Variants in FKBP1A observed in about 807,000 individuals in gnomAD.
FKBP1A encodes the protein FKBP prolyl isomerase 1A.
In FKBP1A, 5 loss-of-function variants were observed where a neutral mutation model predicts 14.2. The ratio of observed to expected loss-of-function variants is 0.35; its 90% CI spans 0.18 to 0.74. The LOEUF is 0.74. Among genes scored for constraint, FKBP1A ranks in the 30% least tolerant of loss-of-function variants. The probability of loss-of-function intolerance (pLI) is 0.56; values close to 1 mark genes in which losing one functional copy is unlikely to be tolerated. For synonymous variants in FKBP1A, 42 were observed against 49.1 expected, an observed-to-expected ratio of 0.86 and a Z score of 0.60; for missense variants, 53 against 138.8, an observed-to-expected ratio of 0.38 and a Z score of 3.10.
At chr20:1,391,377 T>A (rs2089734178) in intron 2 of FKBP1A, among the ~76,000 whole-genome samples, 1 of 152,200 alleles carries the variant, frequency 6.6e-6, no homozygotes, top group Non-Finnish European at 1.5e-5. Flanking sequence ...CAGGCTCAGG[T>A]GCTGACTGTG....
intron 2 of FKBP1A, among the ~76,000 whole-genome samples, chr20:1,390,302 G>A (rs1163768510): frequency 7.4e-6 from 1 of 134,240 alleles, no homozygotes; most frequent in African/African-American, 2.8e-5. Flanking sequence ...TCACAGCCAA[G>A]AAATCTGAGC....
chr20:1,384,798 G>C (rs1214173933), intron 2 of FKBP1A, among the ~76,000 whole-genome samples: 1 of 152,098 alleles, frequency 6.6e-6, no homozygotes, highest in Non-Finnish European at 1.5e-5. Context: ...AACCCAAAGA[G>C]GGAACCAGCT....
intron 3 of FKBP1A, 136 bp from the exon 4 acceptor site, chr20:1,372,376 A>G (rs2089477782): frequency 2.4e-6 from 2 of 817,060 alleles, no homozygotes; most frequent in Middle Eastern, 2.4e-4. Context: ...CTGCCCAGGC[A>G]TCACCACCTC....
Position 1,393,039 on chromosome 20 carries a change from G to A in FKBP1A, c.-41C>T, listed in dbSNP as rs750562645. 19 of 1,341,300 alleles carry A rather than the reference G, an allele frequency of 1.4e-5. No individual in the cohort carries two copies. Among genetic ancestry groups the A allele is most frequent in the Non-Finnish European group, 1.8e-5 (18 of 1,010,614 alleles). The allele number at this position is 1,341,300 out of a possible 1,614,324, so 83.1% of individuals were successfully genotyped here. ...TGAGCGGGCGGGCGGCGCGACGGGC[G>A]GCGTGGACCAACAGCGACCTGGCGG... is the stretch of plus-strand genomic sequence containing the variant. On this transcript the variant is annotated 5_prime_UTR_variant, in exon 1 of 5. Coordinates refer to ENST00000400137, the MANE Select transcript of FKBP1A (RefSeq NM_000801.5).
At chr20:1,380,914 T>C (rs534034326) in intron 2 of FKBP1A, among the ~76,000 whole-genome samples, 170 of 152,250 alleles carry the variant, frequency 1.1e-3, no homozygotes, top group Non-Finnish European at 2.2e-3. Flanking sequence ...TGACAAAATA[T>C]CCACACATAA....
At position 1,369,832 on chromosome 20, in the gene FKBP1A, C is replaced by T; in HGVS notation, c.*277G>A. 9.5e-6 allele frequency: 5 copies of T among 525,638 alleles called. No individual in the cohort carries two copies. The South Asian group carries it at 1.4e-4, about 15-fold the overall frequency. The allele number at this position is 525,638 out of a possible 1,614,324, so 32.6% of individuals were successfully genotyped here. ...TATATCCAAAAGACTGAAACTGAAT[C>T]TTCACCCCAAAATGAAAACAAAATA... On this transcript the variant is annotated 3_prime_UTR_variant, in exon 5 of 5. Coordinates refer to ENST00000400137, the MANE Select transcript of FKBP1A (RefSeq NM_000801.5).
chr20:1,391,792 G>A (rs1328688026), intron 2 of FKBP1A: 1 of 352,936 alleles, frequency 2.8e-6, no homozygotes, highest in Non-Finnish European at 5.0e-6. Flanking sequence ...GGGAACAGAG[G>A]AAAGGGTGGG....
chr20:1,379,327 G>C lies in FKBP1A; in HGVS notation c.86-3724C>G, dbSNP rs1028989086. On this transcript the variant is annotated intron_variant, in intron 2 of 4. Coordinates refer to ENST00000400137, the MANE Select transcript of FKBP1A (RefSeq NM_000801.5). This position sits in a 1 kb window ranked among gnomAD's most constrained non-coding sequence, Gnocchi z 4.3. ...CTATCTGACTGGTACCAGGCTAGGA[G>C]CACTAGGCAGGACACAGCCTGAATC... Among the ~76,000 whole-genome samples the C allele has an allele frequency of 2.0e-5, 3 of 152,194 alleles. No homozygotes were observed. The highest frequency in any genetic ancestry group is 4.4e-5 in the Non-Finnish European group (3 of 68,030).
chr20:1,370,031 A>C lies in FKBP1A; in HGVS notation c.*78T>G, dbSNP rs1375526444. ...ATCAGGAAAAGCTCCATATGGATTC[A>C]TGTGCACATGTCTGGAGGCACCAGA... On this transcript the variant is annotated 3_prime_UTR_variant, in exon 5 of 5. Transcript: ENST00000400137. The C allele has an allele frequency of 2.0e-5, 31 of 1,550,220 alleles. No individual in the cohort carries two copies. Among genetic ancestry groups the C allele is most frequent in the Non-Finnish European group, 2.3e-5 (26 of 1,146,864 alleles).
intron 2 of FKBP1A, among the ~76,000 whole-genome samples, chr20:1,389,463 G>A (rs1423007583): frequency 6.6e-6 from 1 of 152,110 alleles, no homozygotes; most frequent in African/African-American, 2.4e-5. Context: ...AGAGGAGAGG[G>A]GGGAACAAAG....
At chr20:1,385,076 C>T (rs1448055008) in intron 2 of FKBP1A, among the ~76,000 whole-genome samples, 2 of 152,080 alleles carry the variant, frequency 1.3e-5, no homozygotes, top group East Asian at 1.9e-4. Context: ...CACATTATAT[C>T]GCATGGGGAG....
In FKBP1A at chr20:1,371,627, G is replaced by C. The variant is rs539929733; in HGVS notation, c.*36+449C>G. 44 of 781,710 alleles carry C rather than the reference G, an allele frequency of 5.6e-5. No homozygotes were observed. The African/African-American group carries it at 8.1e-4, about 14-fold the overall frequency. 48.4% of individuals were successfully genotyped at this position (781,710 alleles called of 1,614,324 possible). On this transcript the variant is annotated intron_variant, in intron 4 of 4. Coordinates refer to ENST00000400137, the MANE Select transcript of FKBP1A (RefSeq NM_000801.5). ...CAGTAACCACAAACCACAGTGAAGA[G>C]AGAGCCGCAGAAGCTAGGACATGAT...
intron 4 of FKBP1A, chr20:1,370,279 G>T: frequency 1.0e-6 from 1 of 985,488 alleles, no homozygotes; most frequent in Non-Finnish European, 1.2e-6. Context: ...AAATTGATCT[G>T]TGTGTTTTGT....
chr20:1,376,268 C>A (rs771080600), intron 2 of FKBP1A, among the ~76,000 whole-genome samples: 1 of 152,186 alleles, frequency 6.6e-6, no homozygotes, highest in African/African-American at 2.4e-5. Context: ...GAACCTGGGG[C>A]GTAAAGCTGG....
In FKBP1A at chr20:1,372,148, A is replaced by T; in HGVS notation, c.291T>A (p.Thr97=). 6.2e-7 allele frequency: 1 copy of T among 1,613,828 alleles called. No individual in the cohort carries two copies. The part of the protein sequence containing the change: ...GHPGIIPPHA[T]LVFDVELLKL... ...TTAGAAGCTCCACATCGAAGACGAG[A>T]GTGGCATGTGGTGGGATGATGCCTG... Residue 97 remains threonine, a synonymous_variant, in exon 4 of 5, where the codon ACT becomes ACA. Transcript: ENST00000400137.
chr20:1,370,119 T>C, intron 4 of FKBP1A, 47 bp from the exon 5 acceptor site: 1 of 1,538,996 alleles, frequency 6.5e-7, no homozygotes, highest in Non-Finnish European at 8.7e-7. Flanking sequence ...TCAGTGTTCT[T>C]TGTGTGCAGT....
intron 2 of FKBP1A, among the ~76,000 whole-genome samples, chr20:1,387,946 C>G (rs1243320510): frequency 6.6e-6 from 1 of 152,096 alleles, no homozygotes; most frequent in Non-Finnish European, 1.5e-5. Flanking sequence ...TTTTAAAAAT[C>G]AACACTTTGT....
In FKBP1A at chr20:1,391,456, T is replaced by C. The variant is rs1222682876; in HGVS notation, c.85+1378A>G. 1.6e-5 allele frequency: 6 copies of C among 386,624 alleles called. No individual in the cohort carries two copies. In the East Asian group the frequency reaches 2.2e-4, roughly 14 times the overall value. 23.9% of individuals were successfully genotyped at this position (386,624 alleles called of 1,614,324 possible). Reference sequence around the variant, plus strand: ...CTTCCTTCACGGACATGAGACTGCCTGCTCCCCAGAAAGATGGGTTTCAGT... The same window carrying C: ...CTTCCTTCACGGACATGAGACTGCCCGCTCCCCAGAAAGATGGGTTTCAGT... On this transcript the variant is annotated intron_variant, in intron 2 of 4. Transcript: ENST00000400137.
At chr20:1,387,608 G>A (rs1303657368) in intron 2 of FKBP1A, among the ~76,000 whole-genome samples, 7 of 152,178 alleles carry the variant, frequency 4.6e-5, no homozygotes, top group Admixed American at 4.6e-4. Context: ...CACTTTGGGA[G>A]GCTAAGGAGG....
Sources: gnomAD v4.1 joint callset for allele counts (sites outside exome capture counted in the v4.1 genomes callset) on GRCh38, gnomAD v4.1.1 for gene constraint, Gnocchi (gnomAD v3.1) non-coding constraint, MANE v1.5 for transcripts, NCBI Gene and HGNC (gene_info 2026-07-23, HGNC 2026-07-21) for gene names.